SAMMSON: variants seen among roughly 807,000 people sequenced by gnomAD.
The protein encoded by SAMMSON is long intergenic non-protein coding RNA 1212.
At chr3:70,004,313 C>T (rs2066917889) in intron 1 of SAMMSON, among the ~76,000 whole-genome samples, 1 of 152,048 alleles carries the variant, frequency 6.6e-6, no homozygotes, top group Non-Finnish European at 1.5e-5. Context: ...ATAAAAAATT[C>T]TGTAAAAATT....
intron 4 of SAMMSON, among the ~76,000 whole-genome samples, chr3:70,123,209 T>C (rs994529378): frequency 6.6e-6 from 1 of 152,204 alleles, no homozygotes; most frequent in African/African-American, 2.4e-5. Flanking sequence ...GCTGCTGGAC[T>C]GGGGACATAC....
chr3:70,324,920 CA>C (rs5849946), intron 7 of SAMMSON, among the ~76,000 whole-genome samples: 143 of 134,836 alleles, frequency 1.1e-3, no homozygotes, highest in East Asian at 1.1e-3. Flanking sequence ...TGTAAATGGC[CA>C]AAAAAAAAAA....
intron 4 of SAMMSON, among the ~76,000 whole-genome samples, chr3:70,233,505 A>G (rs1701580557): frequency 1.3e-5 from 2 of 152,336 alleles, no homozygotes; most frequent in South Asian, 2.1e-4. Flanking sequence ...TATATTACAT[A>G]CAATAATTGA....
intron 3 of SAMMSON, among the ~76,000 whole-genome samples, chr3:70,032,803 A>G (rs749082880): frequency 4.6e-5 from 7 of 152,210 alleles, no homozygotes; most frequent in Admixed American, 6.5e-5. Flanking sequence ...AACAACTACA[A>G]TCAACTATAG....
At chr3:70,270,678 A>G (rs2106671147) in intron 6 of SAMMSON, among the ~76,000 whole-genome samples, 1 of 152,268 alleles carries the variant, frequency 6.6e-6, no homozygotes. Flanking sequence ...TTGTATTTTT[A>G]AAATACACCA....
intron 7 of SAMMSON, among the ~76,000 whole-genome samples, chr3:70,350,501 T>C (rs978526285): frequency 6.6e-6 from 1 of 152,098 alleles, no homozygotes; most frequent in African/African-American, 2.4e-5. Flanking sequence ...GAACCCTTTA[T>C]GATACAATTA....
chr3:70,336,416 A>C (rs1185768122), intron 7 of SAMMSON, among the ~76,000 whole-genome samples: 1 of 152,006 alleles, frequency 6.6e-6, no homozygotes, highest in African/African-American at 2.4e-5. Flanking sequence ...GGGTATCTCT[A>C]AAGTTATACA....
At chr3:70,383,861 A>G (rs989394506) in intron 9 of SAMMSON, among the ~76,000 whole-genome samples, 2 of 152,066 alleles carry the variant, frequency 1.3e-5, no homozygotes, top group Non-Finnish European at 2.9e-5. Flanking sequence ...TCTGCCCTAC[A>G]GTATTGCAGT....
intron 4 of SAMMSON, among the ~76,000 whole-genome samples, chr3:70,106,691 G>C (rs2067368587): frequency 6.6e-6 from 1 of 152,014 alleles, no homozygotes; most frequent in African/African-American, 2.4e-5. Flanking sequence ...GACGGTCTCT[G>C]GACCACACAT....
chr3:70,421,968 G>C (rs1383288416), intron 2 of SAMMSON, among the ~76,000 whole-genome samples: 1 of 151,948 alleles, frequency 6.6e-6, no homozygotes, highest in South Asian at 2.1e-4. Flanking sequence ...CTAATGTCTG[G>C]TCCATTAAAA....
chr3:70,102,825 C>T (rs2067351267), intron 4 of SAMMSON, among the ~76,000 whole-genome samples: 1 of 152,142 alleles, frequency 6.6e-6, no homozygotes, highest in African/African-American at 2.4e-5. Flanking sequence ...TTGGTTGTTC[C>T]TTCGGCTTTG....
chr3:70,428,307 A>G (rs1701387519), intron 2 of SAMMSON, among the ~76,000 whole-genome samples: 1 of 151,884 alleles, frequency 6.6e-6, no homozygotes, highest in South Asian at 2.1e-4. Context: ...TTTTTTGAAG[A>G]AGAAAGAGTT....
At chr3:70,347,374 C>T (rs1305141091) in intron 7 of SAMMSON, among the ~76,000 whole-genome samples, 9 of 152,178 alleles carry the variant, frequency 5.9e-5, no homozygotes, top group Non-Finnish European at 8.8e-5. Context: ...TGGCTCTTGG[C>T]TTTTGCCTTC....
At chr3:70,049,520 A>C (rs2107588824) in intron 3 of SAMMSON, among the ~76,000 whole-genome samples, 1 of 152,168 alleles carries the variant, frequency 6.6e-6, no homozygotes, top group Non-Finnish European at 1.5e-5. Flanking sequence ...TATACCCTTT[A>C]AGTCTTAAGA....
intron 4 of SAMMSON, among the ~76,000 whole-genome samples, chr3:70,199,443 A>G (rs768500343): frequency 1.3e-5 from 2 of 151,914 alleles, no homozygotes; most frequent in Non-Finnish European, 2.9e-5. Context: ...CTACCTCCCT[A>G]TTTTGCACTT....
At chr3:70,391,260 A>G (rs1701046095), downstream of SAMMSON, among the ~76,000 whole-genome samples, 2 of 152,190 alleles carry the variant, frequency 1.3e-5, no homozygotes, top group Admixed American at 6.6e-5. Flanking sequence ...AGTGTAATGC[A>G]GGAATGGATA....
chr3:70,074,901 G>C (rs958501711), intron 4 of SAMMSON: 2 of 152,030 alleles, frequency 1.3e-5, no homozygotes, highest in African/African-American at 4.8e-5. Flanking sequence ...TTCAGGTCTG[G>C]TTCCAGTGTC....
chr3:70,174,334 T>G (rs1429511477), intron 4 of SAMMSON, among the ~76,000 whole-genome samples: 1 of 152,004 alleles, frequency 6.6e-6, no homozygotes, highest in Non-Finnish European at 1.5e-5. Context: ...TGATATATTT[T>G]TAAGTACACT....
intron 7 of SAMMSON, among the ~76,000 whole-genome samples, chr3:70,316,723 G>A (rs1263762698): frequency 1.3e-5 from 2 of 151,944 alleles, no homozygotes; most frequent in Admixed American, 1.3e-4. Context: ...TGTAACATAG[G>A]TTCTCCCAGG....
Sources: allele counts gnomAD v4.1 joint callset (sites outside exome capture counted in the v4.1 genomes callset), GRCh38; gene constraint gnomAD v4.1.1; transcripts MANE v1.5; gene names NCBI Gene and HGNC (gene_info 2026-07-23, HGNC 2026-07-21).